Variants in RFFL observed in about 807,000 individuals in gnomAD.
RFFL encodes ring finger and FYVE like domain containing E3 ubiquitin protein ligase.
Under a neutral mutation model 40.4 loss-of-function variants are expected in RFFL, and 16 were observed. The observed-to-expected ratio is 0.40, with a 90% CI of 0.27 to 0.60. The LOEUF (loss-of-function observed/expected upper bound fraction) is 0.60. Ranked by LOEUF, RFFL falls within the 20% of genes least tolerant of loss-of-function variation. RFFL has a pLI of 0.47. For synonymous variants in RFFL, 154 were observed against 167.9 expected, an observed-to-expected ratio of 0.92 and a Z score of 0.64; for missense variants, 367 against 451.7, an observed-to-expected ratio of 0.81 and a Z score of 1.70.
intron 1 of RFFL, chr17:35,076,872 TA>T: frequency 4.1e-6 from 1 of 246,270 alleles, no homozygotes; most frequent in Non-Finnish European, 8.4e-6. Flanking sequence ...GTGCCAAGGC[TA>T]AAAGACAAAC....
intron 1 of RFFL, 120 bp from the exon 2 acceptor site, chr17:35,026,681 G>C: frequency 2.8e-6 from 2 of 727,238 alleles, no homozygotes; most frequent in Non-Finnish European, 2.2e-6. Flanking sequence ...CAAGGTGGAG[G>C]GGAGGATGTG....
upstream of RFFL, among the ~76,000 whole-genome samples, chr17:35,068,132 C>T (rs2091330037): frequency 6.6e-6 from 1 of 152,098 alleles, no homozygotes; most frequent in African/African-American, 2.4e-5. Flanking sequence ...TTTGACTCAA[C>T]AGAATAGTCA....
intron 1 of RFFL, among the ~76,000 whole-genome samples, chr17:35,036,977 A>T (rs192871875): frequency 6.6e-6 from 1 of 152,330 alleles, no homozygotes; most frequent in Non-Finnish European, 1.5e-5. Context: ...GCAGTAAAAA[A>T]ATTCCCAAGG....
chr17:35,071,968 T>C (rs2091353027), intron 1 of RFFL, among the ~76,000 whole-genome samples: 1 of 152,092 alleles, frequency 6.6e-6, no homozygotes, highest in African/African-American at 2.4e-5. Flanking sequence ...GGAAACACAG[T>C]GAGACCTATC....
chr17:35,086,668 T>G (rs1446289899), intron 1 of RFFL, among the ~76,000 whole-genome samples: 1 of 152,240 alleles, frequency 6.6e-6, no homozygotes, highest in Non-Finnish European at 1.5e-5. Flanking sequence ...ATTTAAACTA[T>G]GCGTTCTCAT....
At chr17:35,014,356 T>TC (rs2142313963) in intron 6 of RFFL, among the ~76,000 whole-genome samples, 1 of 152,156 alleles carries the variant, frequency 6.6e-6, no homozygotes, top group Non-Finnish European at 1.5e-5. Flanking sequence ...ACACCCTGAT[T>TC]CCCCAGAAGG....
intron 1 of RFFL, among the ~76,000 whole-genome samples, chr17:35,050,006 A>G (rs1319870006): frequency 6.6e-6 from 1 of 151,490 alleles, no homozygotes; most frequent in Non-Finnish European, 1.5e-5. Context: ...TGCTTGAGCC[A>G]TGGAGGCAGA....
At chr17:35,047,025 A>T (rs1417943563) in intron 1 of RFFL, among the ~76,000 whole-genome samples, 1 of 152,254 alleles carries the variant, frequency 6.6e-6, no homozygotes, top group Non-Finnish European at 1.5e-5. Flanking sequence ...TCCTTCTTCC[A>T]TCGAAACTGA....
chr17:35,016,405 C>T lies in RFFL; in HGVS notation c.851G>A (p.Arg284Gln), dbSNP rs757016270. 16 of 1,614,008 alleles carry T rather than the reference C, an allele frequency of 9.9e-6. No homozygotes were observed. The highest frequency in any genetic ancestry group is 1.7e-5 in the Admixed American group (1 of 60,002). ...EKWELMERVT[R>Q]LYKDQKGLQH... ...GAGTCCTTTCTGATCCTTGTATAGC[C>T]GGGTCACTCTCTCCATCAGCTCCCA... The change falls in exon 5 of 7, where the codon CGG (arginine) becomes CAG (glutamine). Residue 284 changes from arginine (R) to glutamine (Q), a missense_variant. By Grantham distance (43) the Arg-to-Gln change is conservative. Transcript: ENST00000394597.
intron 1 of RFFL, among the ~76,000 whole-genome samples, chr17:35,087,431 AGAAATT>A (rs377356723): frequency 5.3e-5 from 8 of 152,274 alleles, no homozygotes; most frequent in African/African-American, 1.7e-4. Flanking sequence ...AAGGTTTGAA[AGAAATT>A]GATTTTTAAG....
upstream of RFFL, among the ~76,000 whole-genome samples, chr17:35,066,222 A>G: frequency 6.6e-6 from 1 of 152,244 alleles, no homozygotes; most frequent in East Asian, 1.9e-4. Context: ...TGGTCTCAAC[A>G]GATATTTAAT....
intron 1 of RFFL, among the ~76,000 whole-genome samples, chr17:35,084,784 C>T (rs1422514093): frequency 4.0e-5 from 6 of 150,290 alleles, no homozygotes; most frequent in African/African-American, 1.2e-4. Context: ...TAATCCCAGC[C>T]GCTCGGGAGG....
At chr17:35,014,525 C>T (rs550051219) in intron 6 of RFFL, among the ~76,000 whole-genome samples, 1 of 152,236 alleles carries the variant, frequency 6.6e-6, no homozygotes, top group East Asian at 1.9e-4. Context: ...TCAGTCAGTC[C>T]GCCCCTACGT....
Position 35,026,696 on chromosome 17 carries a change from C to T in RFFL, c.-8-135G>A. ...CAAGGTGGAGGGGAGGATGTGTTTT[C>T]AAACAGATTTTGTTTTTCTTCTTTT... On this transcript the variant is annotated intron_variant, in intron 1 of 6. Coordinates refer to ENST00000394597, the MANE Select transcript of RFFL (RefSeq NM_001017368.2). The T allele has an allele frequency of 5.9e-6, 4 of 683,426 alleles. No individual in the cohort carries two copies. In the South Asian group the frequency reaches 7.3e-5, roughly 12 times the overall value. The allele number at this position is 683,426 out of a possible 1,614,324, so 42.3% of individuals were successfully genotyped here.
intron 6 of RFFL, among the ~76,000 whole-genome samples, chr17:35,014,065 A>G (rs541414701): frequency 6.6e-6 from 1 of 152,320 alleles, no homozygotes; most frequent in African/African-American, 2.4e-5. Context: ...CTCTCTTGGA[A>G]GGGAGTTCAC....
rs1211198755 is a variant in RFFL at position 35,044,142 on chromosome 17, G to C, written c.-8-17581C>G. 7.2e-5 allele frequency among the ~76,000 whole-genome samples: 11 copies of C among 152,328 alleles called. No homozygotes were observed. In the East Asian group the frequency reaches 1.5e-3, roughly 21 times the overall value. ...AAGTCTCTGTCACCCAGCCTGGAGT[G>C]CATTGGCACCATCATAGCAAACTGT... On this transcript the variant is annotated intron_variant, in intron 1 of 6. Transcript: ENST00000394597.
At chr17:35,045,204 A>C (rs2091191527) in intron 1 of RFFL, among the ~76,000 whole-genome samples, 1 of 152,044 alleles carries the variant, frequency 6.6e-6, no homozygotes, top group Non-Finnish European at 1.5e-5. Context: ...TACTGTATCT[A>C]ATCAACTGGC....
rs1412286170 is a variant in RFFL at position 35,012,260 on chromosome 17, CA to C, written c.911-112del. The C allele has an allele frequency of 5.5e-6, 5 of 905,086 alleles. No individual in the cohort carries two copies. In the African/African-American group the frequency reaches 8.3e-5, roughly 15 times the overall value. The allele number at this position is 905,086 out of a possible 1,614,324, so 56.1% of individuals were successfully genotyped here. A position where few individuals can be genotyped will look rare whatever the true frequency, so the allele number is the denominator to read the frequency against. On this transcript the variant is annotated intron_variant, in intron 6 of 6. Transcript: ENST00000394597. ...TGGGAGATAACAGGTACATTGTAAA[CA>C]AAGTCTCAGTGCACATGCTTCCCTC... is the stretch of plus-strand genomic sequence containing the variant.
At chr17:35,067,792 GT>G (rs1264149101), upstream of RFFL, among the ~76,000 whole-genome samples, 1 of 152,040 alleles carries the variant, frequency 6.6e-6, no homozygotes, top group Non-Finnish European at 1.5e-5. Flanking sequence ...CTTGGATCAT[GT>G]TTTGAGAAAA....
Sources: gnomAD v4.1 joint callset for allele counts (sites outside exome capture counted in the v4.1 genomes callset) on GRCh38, gnomAD v4.1.1 for gene constraint, MANE v1.5 for transcripts, NCBI Gene and HGNC (gene_info 2026-07-23, HGNC 2026-07-21) for gene names.